The following PRKAA2 variants were observed in gnomAD, a reference collection of about 807,000 sequenced individuals.
PRKAA2 encodes protein kinase AMP-activated catalytic subunit alpha 2, also known as 5'-AMP-activated protein kinase catalytic subunit alpha-2.
Under a neutral mutation model 56.3 loss-of-function variants are expected in PRKAA2, and 40 were observed. The ratio of observed to expected loss-of-function variants is 0.71; its 90% CI spans 0.55 to 0.92. The LOEUF (loss-of-function observed/expected upper bound fraction) is 0.92, where lower values mean the gene tolerates loss of function less well. Ranked by LOEUF, PRKAA2 falls within the 40% of genes least tolerant of loss-of-function variation. The pLI is 0.00. For missense variants in PRKAA2, 542 were observed against 686.9 expected (o/e 0.79, Z 2.36); for synonymous variants, 214 against 234.2 (o/e 0.91, Z 0.79).
intron 1 of PRKAA2, among the ~76,000 whole-genome samples, chr1:56,672,789 G>A (rs553949759): frequency 1.4e-3 from 212 of 152,282 alleles, no homozygotes; most frequent in African/African-American, 4.7e-3. Context: ...TAGAGTGGAG[G>A]TGGAAACCAG....
chr1:56,701,662 C>T (rs1035587887), intron 6 of PRKAA2, among the ~76,000 whole-genome samples: 23 of 152,088 alleles, frequency 1.5e-4, no homozygotes, highest in African/African-American at 4.1e-4. Context: ...TTTGGGAGGC[C>T]GAGGCGGGTG....
chr1:56,702,493 C>T (rs1644303762), intron 6 of PRKAA2, among the ~76,000 whole-genome samples: 1 of 152,190 alleles, frequency 6.6e-6, no homozygotes, highest in Non-Finnish European at 1.5e-5. Flanking sequence ...TGATTTTCAT[C>T]AACCACCAGT....
rs548474648 is a variant in PRKAA2, at chr1:56,684,828, G to C, written c.237-6566G>C. ...TATAGGCAGGAGAGGAGAGACATAG[G>C]AGTGGTAACCAGAAGGAAATGAGGA... On this transcript the variant is annotated intron_variant, in intron 2 of 8. Coordinates refer to ENST00000371244, the MANE Select transcript of PRKAA2 (RefSeq NM_006252.4). Among the ~76,000 whole-genome samples the C allele has an allele frequency of 3.9e-5, 6 of 152,242 alleles. 1 individual carries two copies. In the South Asian group the frequency reaches 1.0e-3, roughly 26 times the overall value.
At position 56,670,810 on chromosome 1, in the gene PRKAA2, A is replaced by G. The variant is rs116940357; in HGVS notation, c.95-3571A>G. Among the ~76,000 whole-genome samples, 82 of 152,252 alleles carry G rather than the reference A, an allele frequency of 5.4e-4. No homozygotes were observed. In the East Asian group the frequency reaches 0.014, roughly 26 times the overall value. ...ATGATAAATTATGGCAAGATTATTT[A>G]TTATTGGTGTTTTTATAATTTTATT... On this transcript the variant is annotated intron_variant, in intron 1 of 8. Transcript: ENST00000371244.
intron 1 of PRKAA2, among the ~76,000 whole-genome samples, chr1:56,651,458 A>G (rs1643897289): frequency 6.6e-6 from 1 of 152,162 alleles, no homozygotes; most frequent in Non-Finnish European, 1.5e-5. Flanking sequence ...AACTTGTCCA[A>G]AGTTCCAGTG....
At chr1:56,683,951 T>C (rs1367692037) in intron 2 of PRKAA2, among the ~76,000 whole-genome samples, 3 of 152,130 alleles carry the variant, frequency 2.0e-5, no homozygotes, top group Non-Finnish European at 4.4e-5. Flanking sequence ...ATTTAGACTG[T>C]AGGTGAGCAA....
chr1:56,691,697 A>G (rs1251118046), intron 3 of PRKAA2, among the ~76,000 whole-genome samples: 2 of 152,242 alleles, frequency 1.3e-5, no homozygotes, highest in African/African-American at 2.4e-5. Context: ...CTTAATTGCC[A>G]ACATGATGCG....
Position 56,685,642 on chromosome 1 carries a change from A to G in PRKAA2, c.237-5752A>G, listed in dbSNP as rs866235285. Among the ~76,000 whole-genome samples, 6 of 152,202 alleles carry G rather than the reference A, an allele frequency of 3.9e-5. No individual in the cohort carries two copies. In the South Asian group the frequency reaches 6.2e-4, roughly 16 times the overall value. On this transcript the variant is annotated intron_variant, in intron 2 of 8. Coordinates refer to ENST00000371244, the MANE Select transcript of PRKAA2 (RefSeq NM_006252.4). ...CTTTCAAATGAAAACAAAAATTGCAAAAATGAAACAAATCTGATCAAGTAT... is the reference window on the plus strand; with the variant it reads ...CTTTCAAATGAAAACAAAAATTGCAGAAATGAAACAAATCTGATCAAGTAT...
chr1:56,690,846 A>G (rs1331797383), intron 2 of PRKAA2, among the ~76,000 whole-genome samples: 2 of 152,244 alleles, frequency 1.3e-5, no homozygotes, highest in African/African-American at 4.8e-5. Flanking sequence ...AATTGCCAAC[A>G]TGAAGCCTAT....
intron 2 of PRKAA2, among the ~76,000 whole-genome samples, chr1:56,678,413 G>A (rs1194902581): frequency 1.3e-5 from 2 of 152,090 alleles, no homozygotes; most frequent in Admixed American, 6.6e-5. Context: ...GAATTAGCAA[G>A]AAAGTTTGAG....
intron 2 of PRKAA2, among the ~76,000 whole-genome samples, chr1:56,683,572 A>G (rs1289844944): frequency 6.6e-6 from 1 of 152,132 alleles, no homozygotes; most frequent in East Asian, 1.9e-4. Context: ...CAAAAAGGCA[A>G]CAACAACAAA....
intron 1 of PRKAA2, among the ~76,000 whole-genome samples, chr1:56,651,209 C>A (rs1230670103): frequency 3.3e-5 from 5 of 152,110 alleles, no homozygotes; most frequent in African/African-American, 1.2e-4. Flanking sequence ...ATTATTCATC[C>A]TGGTTAATGA....
chr1:56,694,897 A>C (rs1322633577), intron 5 of PRKAA2, among the ~76,000 whole-genome samples: 1 of 152,150 alleles, frequency 6.6e-6, no homozygotes, highest in Non-Finnish European at 1.5e-5. Flanking sequence ...TATTCTTTTC[A>C]TTAGAATAGT....
intron 1 of PRKAA2, among the ~76,000 whole-genome samples, chr1:56,650,726 A>G (rs181858114): frequency 5.6e-4 from 85 of 152,350 alleles, no homozygotes; most frequent in Non-Finnish European, 6.0e-4. Context: ...GGAATTGTAC[A>G]CCAAGGGATA....
intron 4 of PRKAA2, 111 bp downstream of exon 4, chr1:56,692,613 G>T: frequency 9.2e-7 from 1 of 1,087,640 alleles, no homozygotes; most frequent in Non-Finnish European, 1.3e-6. Flanking sequence ...ACCATGAAAA[G>T]GAATTAGCTG....
chr1:56,687,469 ACAGGGTGTT>A, intron 2 of PRKAA2, among the ~76,000 whole-genome samples: 1 of 152,266 alleles, frequency 6.6e-6, no homozygotes, highest in South Asian at 2.1e-4. Context: ...GAAAGGATAA[ACAGGGTGTT>A]CAGGATGACA....
intron 2 of PRKAA2, among the ~76,000 whole-genome samples, chr1:56,685,606 C>T (rs886405954): frequency 3.3e-5 from 5 of 152,164 alleles, no homozygotes; most frequent in African/African-American, 9.7e-5. Flanking sequence ...AGGTACACTA[C>T]ACTACTTAGT....
At chr1:56,692,791 G>GT (rs201416995) in intron 4 of PRKAA2, among the ~76,000 whole-genome samples, 3,507 of 135,354 alleles carry the variant, frequency 0.026, 98 homozygotes, top group African/African-American at 0.071. Flanking sequence ...CTGTTTTTTT[G>GT]TTTTTTTTTT....
chr1:56,653,419 C>G (rs201845489), intron 1 of PRKAA2, among the ~76,000 whole-genome samples: 1 of 151,960 alleles, frequency 6.6e-6, no homozygotes, highest in East Asian at 1.9e-4. Context: ...CATAGTATGT[C>G]CACAAAGGCA....
Sources: gnomAD v4.1 joint callset for allele counts (sites outside exome capture counted in the v4.1 genomes callset) on GRCh38, gnomAD v4.1.1 for gene constraint, MANE v1.5 for transcripts, NCBI Gene and HGNC (gene_info 2026-07-23, HGNC 2026-07-21) for gene names.